KHDRBS2: variants seen among roughly 807,000 people sequenced by gnomAD.
KHDRBS2 encodes the protein KH domain-containing, RNA-binding, signal transduction-associated protein 2.
Under a neutral mutation model 44.3 loss-of-function variants are expected in KHDRBS2, and 26 were observed. That is an observed-to-expected ratio of 0.59 (90% CI 0.43 to 0.81). KHDRBS2 has a LOEUF of 0.81. Ranked by LOEUF, KHDRBS2 falls within the 40% of genes least tolerant of loss-of-function variation. The pLI, the probability that KHDRBS2 is intolerant of heterozygous loss-of-function variation, is 0.00. For missense variants in KHDRBS2, 476 were observed against 433.1 expected, an observed-to-expected ratio of 1.10 and a Z score of -0.88; for synonymous variants, 194 against 151.1, an observed-to-expected ratio of 1.28 and a Z score of -2.08.
chr6:61,863,740 GAGA>G (rs1479264647), intron 6 of KHDRBS2, among the ~76,000 whole-genome samples: 1 of 152,156 alleles, frequency 6.6e-6, no homozygotes, highest in Non-Finnish European at 1.5e-5. Flanking sequence ...AATTGGCAAT[GAGA>G]AGAATATATA....
At chr6:62,037,925 A>G (rs1287075088) in intron 3 of KHDRBS2, among the ~76,000 whole-genome samples, 2 of 152,094 alleles carry the variant, frequency 1.3e-5, no homozygotes, top group Non-Finnish European at 2.9e-5. Context: ...TTTGCATATA[A>G]TATTTTAAAA....
At chr6:61,699,114 T>C (rs532707366) in intron 7 of KHDRBS2, among the ~76,000 whole-genome samples, 4 of 152,096 alleles carry the variant, frequency 2.6e-5, no homozygotes, top group Non-Finnish European at 5.9e-5. Flanking sequence ...TTTGCTGTCG[T>C]TGTTCCAAGC....
Position 62,258,259 on chromosome 6 carries a change from C to T in KHDRBS2, c.91+27599G>A, listed in dbSNP as rs545072728. Among the ~76,000 whole-genome samples, 242 of 152,104 alleles carry T rather than the reference C, an allele frequency of 1.6e-3. 2 individuals carry two copies. Among genetic ancestry groups the T allele is most frequent in the Non-Finnish European group, 3.3e-3 (224 of 67,964 alleles). On this transcript the variant is annotated intron_variant, in intron 1 of 8. Coordinates refer to ENST00000281156, the MANE Select transcript of KHDRBS2 (RefSeq NM_152688.4). ...AGATGGGTTTTTTAAACGTTTCCTC[C>T]AGTCTATAGTAACACAGTGTCATAG...
the KHDRBS2 span, among the ~76,000 whole-genome samples, chr6:61,571,334 T>C: frequency 5.9e-5 from 9 of 152,088 alleles, no homozygotes; most frequent in Admixed American, 2.6e-4. Context: ...AGGGACATTA[T>C]ATAATGATAA....
At chr6:62,272,418 T>C (rs1840238147) in intron 1 of KHDRBS2, among the ~76,000 whole-genome samples, 1 of 152,182 alleles carries the variant, frequency 6.6e-6, no homozygotes, top group Admixed American at 6.6e-5. Context: ...AACAGACCTA[T>C]GTAGCAGGCT....
chr6:62,103,971 G>A (rs577412254), intron 2 of KHDRBS2, among the ~76,000 whole-genome samples: 9 of 152,126 alleles, frequency 5.9e-5, no homozygotes, highest in Non-Finnish European at 8.8e-5. Flanking sequence ...GGTCATAAAG[G>A]ATGACCATGG....
chr6:62,034,313 A>G (rs1784866102), intron 3 of KHDRBS2, among the ~76,000 whole-genome samples: 1 of 151,944 alleles, frequency 6.6e-6, no homozygotes, highest in African/African-American at 2.4e-5. Flanking sequence ...ACGAATACTA[A>G]CAGACTCATT....
chr6:61,944,140 C>T (rs1020089573), intron 4 of KHDRBS2, among the ~76,000 whole-genome samples: 2 of 152,102 alleles, frequency 1.3e-5, no homozygotes, highest in African/African-American at 4.8e-5. Context: ...AACTACCATA[C>T]AATCAAGCAA....
intron 1 of KHDRBS2, 54 bp downstream of exon 1, chr6:62,285,804 G>A: frequency 1.5e-6 from 2 of 1,292,816 alleles, no homozygotes; most frequent in Non-Finnish European, 2.2e-6. Flanking sequence ...TAATCAAGCC[G>A]CGGGTGAGAT....
intron 6 of KHDRBS2, among the ~76,000 whole-genome samples, chr6:61,773,338 T>A (rs1175413474): frequency 2.0e-5 from 3 of 152,148 alleles, no homozygotes; most frequent in Non-Finnish European, 2.9e-5. Context: ...CCATTCTAAC[T>A]GGTGTGAGAT....
At position 62,271,575 on chromosome 6, in the gene KHDRBS2, T is replaced by C. The variant is rs1169272773; in HGVS notation, c.91+14283A>G. On this transcript the variant is annotated intron_variant, in intron 1 of 8. Coordinates refer to ENST00000281156, the MANE Select transcript of KHDRBS2 (RefSeq NM_152688.4). Reference sequence around the variant, plus strand: ...ATTCCAGAGGGAGATATGATTATCATAGATGATGACAGTTCCCTATGTGTT... The same window carrying C: ...ATTCCAGAGGGAGATATGATTATCACAGATGATGACAGTTCCCTATGTGTT... Among the ~76,000 whole-genome samples, 8 of 152,286 alleles carry C rather than the reference T, an allele frequency of 5.3e-5. No homozygotes were observed. In the South Asian group the frequency reaches 1.0e-3, roughly 20 times the overall value.
the KHDRBS2 span, among the ~76,000 whole-genome samples, chr6:61,663,347 A>G: frequency 1.3e-5 from 2 of 148,526 alleles, no homozygotes; most frequent in Non-Finnish European, 3.0e-5. Context: ...ACATGTATAC[A>G]TATGTAACAA....
chr6:62,043,929 T>A (rs1360022946), intron 3 of KHDRBS2, among the ~76,000 whole-genome samples: 1 of 152,070 alleles, frequency 6.6e-6, no homozygotes, highest in Non-Finnish European at 1.5e-5. Flanking sequence ...TGACTGTTAT[T>A]TTCTTAATTT....
intron 2 of KHDRBS2, among the ~76,000 whole-genome samples, chr6:62,154,705 G>A (rs1173238691): frequency 2.0e-5 from 3 of 152,174 alleles, no homozygotes; most frequent in East Asian, 1.9e-4. Context: ...CAATGAGTAT[G>A]TCACAAATGA....
chr6:62,240,622 A>C (rs1282911777), intron 1 of KHDRBS2, among the ~76,000 whole-genome samples: 1 of 145,502 alleles, frequency 6.9e-6, no homozygotes. Context: ...ACATATACAC[A>C]TATGTACACA....
At chr6:62,066,945 G>T (rs1412328855) in intron 2 of KHDRBS2, among the ~76,000 whole-genome samples, 1 of 151,482 alleles carries the variant, frequency 6.6e-6, no homozygotes, top group Non-Finnish European at 1.5e-5. Context: ...TTATAAAAAA[G>T]ATATGCCTTT....
intron 4 of KHDRBS2, among the ~76,000 whole-genome samples, chr6:61,934,517 A>G (rs182576335): frequency 1.3e-5 from 2 of 152,318 alleles, no homozygotes; most frequent in East Asian, 1.9e-4. Flanking sequence ...CCAATAAATA[A>G]CATCTATTCA....
intron 3 of KHDRBS2, among the ~76,000 whole-genome samples, chr6:62,007,482 T>C (rs1182003979): frequency 6.6e-6 from 1 of 151,978 alleles, no homozygotes; most frequent in Non-Finnish European, 1.5e-5. Context: ...CCTAATCGGG[T>C]GTATGAAAAC....
the KHDRBS2 span, among the ~76,000 whole-genome samples, chr6:61,565,748 C>T: frequency 3.3e-5 from 5 of 151,986 alleles, no homozygotes; most frequent in East Asian, 9.7e-4. Flanking sequence ...AATGTTTATA[C>T]ACATTTTTAT....
Sources: gnomAD v4.1 joint callset for allele counts (sites outside exome capture counted in the v4.1 genomes callset) on GRCh38, gnomAD v4.1.1 for gene constraint, MANE v1.5 for transcripts, NCBI Gene and HGNC (gene_info 2026-07-23, HGNC 2026-07-21) for gene names.